Variants in SPMAP2L observed in about 807,000 individuals in gnomAD.
SPMAP2L encodes sperm microtubule associated protein 2 like, also known as sperm microtubule associated protein 2-like.
chr4:56,563,821 A>G, the SPMAP2L span, among the ~76,000 whole-genome samples: 2 of 152,140 alleles, frequency 1.3e-5, no homozygotes, highest in African/African-American at 4.8e-5. Flanking sequence ...TCTTGCATCT[A>G]TGTCCGTGAG....
chr4:56,626,057 G>C, the SPMAP2L span, among the ~76,000 whole-genome samples: 1 of 152,188 alleles, frequency 6.6e-6, no homozygotes, highest in East Asian at 1.9e-4. Context: ...CACCTTTGGA[G>C]ACATTGGATA....
chr4:56,562,604 C>T, the SPMAP2L span, among the ~76,000 whole-genome samples: 4 of 152,100 alleles, frequency 2.6e-5, no homozygotes, highest in Admixed American at 2.0e-4. Context: ...CTACCTAAAA[C>T]CATTTGGAAT....
chr4:56,585,618 AG>A, the SPMAP2L span, among the ~76,000 whole-genome samples: 1 of 152,220 alleles, frequency 6.6e-6, no homozygotes, highest in African/African-American at 2.4e-5. Context: ...CTGGGATTAT[AG>A]GTGTGAGCCA....
chr4:56,588,821 C>T, the SPMAP2L span, among the ~76,000 whole-genome samples: 1 of 152,174 alleles, frequency 6.6e-6, no homozygotes, highest in Non-Finnish European at 1.5e-5. Context: ...GATGAGGACC[C>T]AGTTTCATTC....
At chr4:56,544,029 A>G in the SPMAP2L span, among the ~76,000 whole-genome samples, 4 of 150,222 alleles carry the variant, frequency 2.7e-5, no homozygotes, top group Admixed American at 2.7e-4. Context: ...TCTCTTGCCC[A>G]GGCTGGAGTG....
chr4:56,593,726 G>A, the SPMAP2L span: 2 of 1,573,400 alleles, frequency 1.3e-6, no homozygotes, highest in Admixed American at 1.7e-5. Context: ...AGACGCCACT[G>A]GGAAAGAAGT....
the SPMAP2L span, among the ~76,000 whole-genome samples, chr4:56,601,939 GC>G: frequency 1.3e-5 from 2 of 152,160 alleles, no homozygotes; most frequent in African/African-American, 4.8e-5. Context: ...GTTTGCATAT[GC>G]CTGTAGTATC....
the SPMAP2L span, among the ~76,000 whole-genome samples, chr4:56,589,982 C>G: frequency 6.9e-4 from 105 of 152,236 alleles, 2 homozygotes; most frequent in African/African-American, 2.5e-3. Flanking sequence ...TTGACTTCCT[C>G]TTTACTGATT....
the SPMAP2L span, among the ~76,000 whole-genome samples, chr4:56,556,017 G>A: frequency 6.6e-6 from 1 of 152,092 alleles, no homozygotes; most frequent in Non-Finnish European, 1.5e-5. Flanking sequence ...GAAAACAATA[G>A]AAAAATTGGA....
At chr4:56,600,349 T>C in the SPMAP2L span, among the ~76,000 whole-genome samples, 1 of 152,052 alleles carries the variant, frequency 6.6e-6, no homozygotes, top group Non-Finnish European at 1.5e-5. Context: ...GCTGGAGTGC[T>C]GTAGTGTGAT....
chr4:56,533,730 T>C, the SPMAP2L span, among the ~76,000 whole-genome samples: 1 of 151,536 alleles, frequency 6.6e-6, no homozygotes. Context: ...GAAGGATCAC[T>C]TGAGGCTGGA....
At chr4:56,603,545 T>G in the SPMAP2L span, 1,546 of 384,490 alleles carry the variant, frequency 4.0e-3, 18 homozygotes, top group African/African-American at 0.029. Flanking sequence ...ATGCAATAAA[T>G]GAGAAAATGA....
the SPMAP2L span, among the ~76,000 whole-genome samples, chr4:56,539,233 G>A: frequency 6.6e-6 from 1 of 152,104 alleles, no homozygotes; most frequent in Non-Finnish European, 1.5e-5. Flanking sequence ...TATGGTGTAG[G>A]TAGTGAGCTG....
the SPMAP2L span, among the ~76,000 whole-genome samples, chr4:56,578,862 G>A: frequency 6.6e-6 from 1 of 151,822 alleles, no homozygotes; most frequent in Non-Finnish European, 1.5e-5. Context: ...AGGATTGCTT[G>A]AGGCCAGAAA....
chr4:56,593,875 T>C, the SPMAP2L span: 3 of 1,611,226 alleles, frequency 1.9e-6, no homozygotes, highest in Non-Finnish European at 2.5e-6. Context: ...GGCTGGAGCA[T>C]ATTGCTAGGA....
the SPMAP2L span, among the ~76,000 whole-genome samples, chr4:56,567,426 C>T: frequency 1.5e-5 from 2 of 137,518 alleles, no homozygotes; most frequent in Non-Finnish European, 3.1e-5. Flanking sequence ...ACCACCACAC[C>T]TGGCTAATTT....
chr4:56,571,397 C>T, the SPMAP2L span, among the ~76,000 whole-genome samples: 3 of 151,050 alleles, frequency 2.0e-5, no homozygotes, highest in East Asian at 5.9e-4. Context: ...ACTGTAACCG[C>T]AGCCTCCTGG....
At chr4:56,609,733 G>C in the SPMAP2L span, among the ~76,000 whole-genome samples, 878 of 152,268 alleles carry the variant, frequency 5.8e-3, 8 homozygotes, top group African/African-American at 0.02. Flanking sequence ...GAGCTTGAGA[G>C]AGTTCATCCC....
the SPMAP2L span, chr4:56,592,969 C>G: frequency 1.9e-6 from 3 of 1,604,418 alleles, no homozygotes; most frequent in Non-Finnish European, 2.6e-6. Flanking sequence ...TGAAAAGACC[C>G]TTGAAAATGG....
Sources: allele counts gnomAD v4.1 joint callset (sites outside exome capture counted in the v4.1 genomes callset), GRCh38; gene constraint gnomAD v4.1.1; transcripts MANE v1.5; gene names NCBI Gene and HGNC (gene_info 2026-07-23, HGNC 2026-07-21).